The following TFEB variants were observed in gnomAD, a reference collection of about 807,000 sequenced individuals.
TFEB encodes the protein transcription factor EB.
Under a neutral mutation model 48.0 loss-of-function variants are expected in TFEB, and 12 were observed. That is an observed-to-expected ratio of 0.25 (90% confidence interval 0.16 to 0.40). The LOEUF (loss-of-function observed/expected upper bound fraction) is 0.40. Among genes scored for constraint, TFEB ranks in the 10% least tolerant of loss-of-function variants. The pLI, the probability that TFEB is intolerant of heterozygous loss-of-function variation, is 1.00. For missense variants in TFEB, 509 were observed against 640.3 expected, an observed-to-expected ratio of 0.79 and a Z score of 2.21; for synonymous variants, 244 against 261.4, an observed-to-expected ratio of 0.93 and a Z score of 0.64.
At chr6:41,725,239 C>T (rs752354394) in intron 1 of TFEB, among the ~76,000 whole-genome samples, 2 of 152,192 alleles carry the variant, frequency 1.3e-5, no homozygotes, top group Non-Finnish European at 2.9e-5. Context: ...CAGGGGCTGT[C>T]CTGTGCATTT....
intron 1 of TFEB, 197 bp downstream of exon 1, chr6:41,735,153 G>T (rs1452039983): frequency 2.1e-6 from 2 of 946,032 alleles, no homozygotes; most frequent in Non-Finnish European, 2.5e-6. Context: ...GGCGGGCAGC[G>T]CCGCTCGGGC....
chr6:41,735,159 C>T lies in TFEB; in HGVS notation c.-23+191G>A, dbSNP rs1458099989. The T allele has an allele frequency of 1.7e-5, 16 of 945,082 alleles. 1 individual carries two copies. Among genetic ancestry groups the T allele is most frequent in the Middle Eastern group, 1.1e-3 (2 of 1,860 alleles). 58.5% of individuals were successfully genotyped at this position (945,082 alleles called of 1,614,324 possible). A position where few individuals can be genotyped will look rare whatever the true frequency, so the allele number is the denominator to read the frequency against. ...TCCCGGCTCGGCGGGCAGCGCCGCT[C>T]GGGCCACGCGCTGGGCGCCCGGGGG... On this transcript the variant is annotated intron_variant, in intron 1 of 8. Coordinates refer to ENST00000373033, the MANE Select transcript of TFEB (RefSeq NM_001271944.2).
chr6:41,704,863 G>A (rs960090026), intron 1 of TFEB, among the ~76,000 whole-genome samples: 1 of 152,260 alleles, frequency 6.6e-6, no homozygotes, highest in African/African-American at 2.4e-5. Flanking sequence ...GAGCCAAGGT[G>A]GAGGCCAGAA....
intron 1 of TFEB, among the ~76,000 whole-genome samples, chr6:41,718,285 T>C (rs147761514): frequency 2.0e-5 from 3 of 152,244 alleles, no homozygotes; most frequent in East Asian, 3.9e-4. Context: ...CACAGCGCAC[T>C]GCAGCCTCAA....
In TFEB at chr6:41,697,408, C is replaced by CAAAA. The variant is rs56059829; in HGVS notation, c.-22-6177_-22-6174dup. Among the ~76,000 whole-genome samples the CAAAA allele has an allele frequency of 4.6e-4, 29 of 63,490 alleles. 3 individuals are homozygous for CAAAA. The highest frequency in any genetic ancestry group is 1.7e-3 in the African/African-American group (20 of 11,532). The allele number at this position is 63,490 out of a possible 152,430, so 41.7% of individuals were successfully genotyped here. ...GGGCAACAAGAGTGAAACTCCATCT[C>CAAAA]AAAAAAAAAAAAAAAAAAAGAATGA... On this transcript the variant is annotated intron_variant, in intron 1 of 8. Coordinates refer to ENST00000373033, the MANE Select transcript of TFEB (RefSeq NM_001271944.2).
chr6:41,725,590 C>A (rs951405198), intron 1 of TFEB, among the ~76,000 whole-genome samples: 1 of 152,232 alleles, frequency 6.6e-6, no homozygotes, highest in Non-Finnish European at 1.5e-5. Context: ...TACATGCCAA[C>A]CCCCTTCCTG....
In TFEB at chr6:41,690,709, T is replaced by G. The variant is rs768400942; in HGVS notation, c.422A>C (p.Asn141Thr). ...AATGTGCAGCATGGCCATGGGGCTA[T>G]TGGGAGCACTGTTGCCAGCGGAGGA... ...LSSSAGNSAP[N>T]SPMAMLHIGS... is the part of the protein sequence containing the mutation. Residue 141 changes from asparagine to threonine, a missense_variant, in exon 3 of 9, where the codon AAT becomes ACT. Physicochemically the swap from Asn to Thr is moderately conservative, Grantham distance 65. Transcript: ENST00000373033. The G allele has an allele frequency of 1.3e-6, 2 of 1,575,902 alleles. No individual in the cohort carries two copies. The highest frequency in any genetic ancestry group is 1.7e-6 in the Non-Finnish European group (2 of 1,156,348).
At chr6:41,690,978 G>T in intron 2 of TFEB, 23 bp downstream of exon 2, 1 of 1,567,830 alleles carries the variant, frequency 6.4e-7, no homozygotes, top group Non-Finnish European at 8.7e-7. Flanking sequence ...ACAGGGTGGG[G>T]GGCAGGCCAG....
rs1581890428 is a variant in TFEB, at chr6:41,696,478, A to T, written c.-22-5243T>A. ...GAGGCTGAGGCGGGCAGATCACTTG[A>T]GGTCAGGAGTTCGAAGCCAGCCTGG... On this transcript the variant is annotated intron_variant, in intron 1 of 8. Coordinates refer to ENST00000373033, the MANE Select transcript of TFEB (RefSeq NM_001271944.2). 3.9e-5 allele frequency among the ~76,000 whole-genome samples: 6 copies of T among 152,252 alleles called. No homozygotes were observed. In the South Asian group the frequency reaches 1.2e-3, roughly 32 times the overall value.
intron 1 of TFEB, 42 bp downstream of exon 1, chr6:41,735,308 C>T (rs1007716247): frequency 6.1e-6 from 6 of 984,854 alleles, no homozygotes; most frequent in East Asian, 2.3e-4. Flanking sequence ...GGTCGGGGGT[C>T]CCGGGCCCTC....
chr6:41,733,976 A>T, intron 1 of TFEB: 3 of 643,988 alleles, frequency 4.7e-6, no homozygotes, highest in Non-Finnish European at 5.8e-6. Context: ...CACACCCCAG[A>T]GGTGTCACTG....
intron 1 of TFEB, among the ~76,000 whole-genome samples, chr6:41,731,897 GT>G (rs1771466230): frequency 6.6e-6 from 1 of 152,294 alleles, no homozygotes; most frequent in East Asian, 1.9e-4. Flanking sequence ...GCCTGAACCA[GT>G]CTCCTTCCCT....
chr6:41,732,944 T>G (rs1323740836), intron 1 of TFEB: 2 of 985,372 alleles, frequency 2.0e-6, no homozygotes, highest in Non-Finnish European at 2.4e-6. Flanking sequence ...CAGCTGTGGT[T>G]GGGGAAACCC....
At chr6:41,714,166 CAT>C (rs1770620377) in intron 1 of TFEB, among the ~76,000 whole-genome samples, 1 of 130,676 alleles carries the variant, frequency 7.7e-6, no homozygotes, top group South Asian at 2.4e-4. Context: ...CATGCGTGTG[CAT>C]GTGTGCGTGT....
chr6:41,712,641 C>A (rs1770533834), intron 1 of TFEB, among the ~76,000 whole-genome samples: 1 of 152,232 alleles, frequency 6.6e-6, no homozygotes, highest in Non-Finnish European at 1.5e-5. Flanking sequence ...CCCAAGGGCT[C>A]AAGCACTGGC....
chr6:41,685,135 A>C, intron 8 of TFEB, 57 bp from the exon 9 acceptor site: 9 of 1,359,894 alleles, frequency 6.6e-6, no homozygotes, highest in East Asian at 5.9e-5. Context: ...AGCCACCAGG[A>C]CCCCTCCCCT....
chr6:41,720,757 G>A lies in TFEB; in HGVS notation c.-23+14593C>T, dbSNP rs907592256. 1.3e-5 allele frequency: 2 copies of A among 152,168 alleles called. No individual in the cohort carries two copies. The highest frequency in any genetic ancestry group is 2.9e-5 in the Non-Finnish European group (2 of 68,066). The allele number at this position is 152,168 out of a possible 1,614,324, so 9.4% of individuals were successfully genotyped here. On this transcript the variant is annotated intron_variant, in intron 1 of 8. Coordinates refer to ENST00000373033, the MANE Select transcript of TFEB (RefSeq NM_001271944.2). The surrounding 1 kb of genome is among the most constrained non-coding windows in gnomAD (Gnocchi z 4.1). Reference sequence around the variant, plus strand: ...TGGGGGAGGGGGCATCAGTAAGGCCGAGTCCTTCTCTACCCCACCCCACCC... The same window carrying A: ...TGGGGGAGGGGGCATCAGTAAGGCCAAGTCCTTCTCTACCCCACCCCACCC...
intron 1 of TFEB, among the ~76,000 whole-genome samples, chr6:41,699,507 C>T (rs1561857774): frequency 6.6e-6 from 1 of 152,144 alleles, no homozygotes; most frequent in African/African-American, 2.4e-5. Context: ...CCTCTGTTTC[C>T]TCTCCAAAAG....
rs1466949036 is a variant in TFEB, at chr6:41,723,431, T to A, written c.-23+11919A>T. On this transcript the variant is annotated intron_variant, in intron 1 of 8. Coordinates refer to ENST00000373033, the MANE Select transcript of TFEB (RefSeq NM_001271944.2). The surrounding 1 kb of genome is among the most constrained non-coding windows in gnomAD (Gnocchi z 6.0). Reference sequence around the variant, plus strand: ...CACATGCTCACACACATGCACACACTCACACACATGCACGCGTGTGCTCTC... The same window carrying A: ...CACATGCTCACACACATGCACACACACACACACATGCACGCGTGTGCTCTC... 8 of 1,195,140 alleles carry A rather than the reference T, an allele frequency of 6.7e-6. No individual in the cohort carries two copies. The highest frequency in any genetic ancestry group is 8.8e-6 in the Non-Finnish European group (8 of 906,220). 74.0% of individuals were successfully genotyped at this position (1,195,140 alleles called of 1,614,324 possible). A position where few individuals can be genotyped will look rare whatever the true frequency, so the allele number is the denominator to read the frequency against.
Sources: gnomAD v4.1 joint callset for allele counts (sites outside exome capture counted in the v4.1 genomes callset) on GRCh38, gnomAD v4.1.1 for gene constraint, Gnocchi (gnomAD v3.1) non-coding constraint, MANE v1.5 for transcripts, NCBI Gene and HGNC (gene_info 2026-07-23, HGNC 2026-07-21) for gene names.